The following OVCH1 variants were observed in gnomAD, a reference collection of about 807,000 sequenced individuals.
OVCH1 encodes ovochymase-1.
A neutral mutation model predicts 138.4 loss-of-function variants in OVCH1; 139 were observed. That is an observed-to-expected ratio of 1.00 (90% CI 0.87 to 1.16). The LOEUF (loss-of-function observed/expected upper bound fraction) is 1.16, where lower values mean the gene tolerates loss of function less well. Among genes scored for constraint, OVCH1 ranks in the 50% most tolerant of loss-of-function variants. The pLI is 0.00. For missense variants in OVCH1, 1,367 were observed against 1,357.9 expected (o/e 1.01, Z -0.11); for synonymous variants, 453 against 467.8 (o/e 0.97, Z 0.41).
At chr12:29,451,440 A>C (rs777238587) in exon 22 of OVCH1, 11 of 1,613,286 alleles carry the variant, frequency 6.8e-6, no homozygotes, top group Admixed American at 6.7e-5. Context: ...CTCAATGGTA[A>C]ATTTTGCCAT....
chr12:29,477,099 T>C lies in OVCH1; in HGVS notation c.1377+3A>G. On this transcript the variant is annotated splice_donor_region_variant and intron_variant, in intron 12 of 27. Coordinates refer to ENST00000318184, the Ensembl canonical transcript of OVCH1. Reference sequence around the variant, plus strand: ...GAGGTAGAGCGATTCCTCAGTTGCCTACCTTTATAATGTGCTTCTCTGGAG... The same window carrying C: ...GAGGTAGAGCGATTCCTCAGTTGCCCACCTTTATAATGTGCTTCTCTGGAG... The C allele has an allele frequency of 6.3e-7, 1 of 1,599,468 alleles. No individual in the cohort carries two copies. Among genetic ancestry groups the C allele is most frequent in the South Asian group, 1.1e-5 (1 of 88,526 alleles).
rs370975248 is a variant in OVCH1, at chr12:29,464,233, C to A, written c.2125+274G>T. Among the ~76,000 whole-genome samples the A allele has an allele frequency of 1.1e-4, 17 of 152,266 alleles. No individual in the cohort carries two copies. The East Asian group carries it at 2.5e-3, about 22-fold the overall frequency. On this transcript the variant is annotated intron_variant, in intron 18 of 27. Coordinates refer to ENST00000318184, the Ensembl canonical transcript of OVCH1. ...AATAGTTGTGATAGAGACCAGATGA[C>A]CTGCAAAGCCTAAAAGGATTATTAT... is the stretch of plus-strand genomic sequence containing the variant.
chr12:29,458,616 T>A (rs11611499), intron 19 of OVCH1, among the ~76,000 whole-genome samples: 20,572 of 152,008 alleles, frequency 0.14, 1,384 homozygotes, highest in African/African-American at 0.14. Flanking sequence ...CCCCACAAGC[T>A]CAGGTAACCA....
chr12:29,469,223 T>C (rs920200566), intron 16 of OVCH1, among the ~76,000 whole-genome samples: 5 of 152,128 alleles, frequency 3.3e-5, no homozygotes, highest in Admixed American at 2.6e-4. Flanking sequence ...TTAACATCAG[T>C]GATAAGTCAT....
intron 6 of OVCH1, 73 bp downstream of exon 6, chr12:29,489,547 T>G (rs1943216069): frequency 4.8e-6 from 7 of 1,444,316 alleles, no homozygotes; most frequent in African/African-American, 1.4e-5. Flanking sequence ...AACATGAGCT[T>G]CTTTTGGGGA....
At chr12:29,478,845 T>C in exon 9 of OVCH1, 1 of 1,586,422 alleles carries the variant, frequency 6.3e-7, no homozygotes. Flanking sequence ...TAAAAAGCAC[T>C]CCACTGCTTG....
At chr12:29,431,805 T>C (rs1311401715) in intron 27 of OVCH1, among the ~76,000 whole-genome samples, 1 of 152,196 alleles carries the variant, frequency 6.6e-6, no homozygotes, top group Non-Finnish European at 1.5e-5. Flanking sequence ...TTTCTATGTT[T>C]ATCTGAAAAA....
At chr12:29,433,710 AT>A (rs779563750) in intron 27 of OVCH1, 5 of 1,398,242 alleles carry the variant, frequency 3.6e-6, no homozygotes, top group African/African-American at 2.9e-5. Context: ...TAAATGTGAG[AT>A]TTTTTTCTAT....
In OVCH1 at chr12:29,443,431, C is replaced by A. The variant is rs774393319; in HGVS notation, c.3087G>T (p.Lys1029Asn). The change falls in exon 25 of 28, where the codon AAG becomes AAT. Residue 1029 changes from lysine to asparagine, a missense_variant. Physicochemically the swap from Lys to Asn is moderately conservative, Grantham distance 94 (BLOSUM62 0). Coordinates refer to ENST00000318184, the Ensembl canonical transcript of OVCH1. ...GACCATGACAGACAAAAGTTGTTGG[C>A]TTCATCGGGAAGTTAATAATATTAA... is the stretch of plus-strand genomic sequence containing the variant. The A allele has an allele frequency of 3.2e-5, 51 of 1,611,392 alleles. No homozygotes were observed. In the South Asian group the frequency reaches 5.6e-4, roughly 18 times the overall value.
intron 5 of OVCH1, among the ~76,000 whole-genome samples, chr12:29,490,212 C>T (rs1442631065): frequency 6.6e-6 from 1 of 152,016 alleles, no homozygotes; most frequent in Non-Finnish European, 1.5e-5. Context: ...TACAGGCATG[C>T]CACCGTGATT....
At chr12:29,479,019 G>T in intron 8 of OVCH1, 51 bp from the exon 10 acceptor site, 1 of 647,618 alleles carries the variant, frequency 1.5e-6, no homozygotes, top group Non-Finnish European at 2.4e-6. Flanking sequence ...AGTCAGATTT[G>T]CTAAATAAAA....
At chr12:29,496,405 A>G (rs1943417808) in intron 2 of OVCH1, 127 bp from the exon 3 acceptor site, 2 of 1,133,848 alleles carry the variant, frequency 1.8e-6, no homozygotes, top group East Asian at 2.6e-5. Context: ...TAAATTGGAT[A>G]GTAAGATAGT....
chr12:29,470,260 G>T lies in OVCH1; in HGVS notation c.1856+1542C>A, dbSNP rs553355992. Among the ~76,000 whole-genome samples the T allele has an allele frequency of 2.0e-5, 3 of 152,082 alleles. No homozygotes were observed. In the South Asian group the frequency reaches 6.2e-4, roughly 31 times the overall value. On this transcript the variant is annotated intron_variant, in intron 16 of 27. Coordinates refer to ENST00000318184, the Ensembl canonical transcript of OVCH1. ...TTTTAAGTTCTGGGATACATGTGCA[G>T]AATCTGCAGGTTTGTTATATAGGTA...
At chr12:29,460,098 T>C (rs763836004) in intron 19 of OVCH1, among the ~76,000 whole-genome samples, 4 of 152,190 alleles carry the variant, frequency 2.6e-5, no homozygotes, top group Non-Finnish European at 4.4e-5. Flanking sequence ...TCCTCCCATA[T>C]ATGGGCAGTA....
intron 27 of OVCH1, among the ~76,000 whole-genome samples, chr12:29,431,378 C>A (rs564787197): frequency 6.6e-6 from 1 of 151,966 alleles, no homozygotes; most frequent in African/African-American, 2.4e-5. Flanking sequence ...GTTGAAGCTG[C>A]GGTGAACCAT....
intron 3 of OVCH1, among the ~76,000 whole-genome samples, chr12:29,413,550 TATC>T (rs1441270220): frequency 1.1e-4 from 16 of 152,328 alleles, no homozygotes; most frequent in African/African-American, 3.4e-4. Context: ...TTCCCAGATG[TATC>T]ATAAAATATA....
At chr12:29,475,169 T>C in exon 14 of OVCH1, 1 of 1,492,828 alleles carries the variant, frequency 6.7e-7, no homozygotes. Flanking sequence ...GAAGTGATGG[T>C]CAACATTCCA....
At position 29,467,323 on chromosome 12, in the gene OVCH1, G is replaced by GTT. The variant is rs1472688720; in HGVS notation, c.1857-2106_1857-2105dup. ...AATGTAGTCCACAGTTTCTCATGAT[G>GTT]TTTTACATGTACAGTCAGCAAATAT... On this transcript the variant is annotated intron_variant, in intron 16 of 27. Coordinates refer to ENST00000318184, the Ensembl canonical transcript of OVCH1. 2.0e-5 allele frequency among the ~76,000 whole-genome samples: 3 copies of GTT among 152,146 alleles called. No homozygotes were observed. The East Asian group carries it at 5.8e-4, about 29-fold the overall frequency.
At chr12:29,411,743 A>C (rs1036225871), downstream of OVCH1, among the ~76,000 whole-genome samples, 8 of 152,042 alleles carry the variant, frequency 5.3e-5, no homozygotes, top group Admixed American at 5.2e-4. Context: ...TAGGCTGCTC[A>C]GGGGTCAGAG....
Sources: gnomAD v4.1 joint callset for allele counts (sites outside exome capture counted in the v4.1 genomes callset) on GRCh38, gnomAD v4.1.1 for gene constraint, MANE v1.5 for transcripts, NCBI Gene and HGNC (gene_info 2026-07-23, HGNC 2026-07-21) for gene names.